Variants in PARP1 observed in about 807,000 individuals in gnomAD.
PARP1 encodes the protein poly(ADP-ribose) polymerase 1, also known as poly [ADP-ribose] polymerase 1.
PARP1 carries 44 observed loss-of-function variants against 118.7 expected under a neutral mutation model. The observed-to-expected ratio is 0.37, with a 90% confidence interval of 0.29 to 0.48. The LOEUF is 0.48. Among genes scored for constraint, PARP1 ranks in the 20% least tolerant of loss-of-function variants. PARP1 has a pLI of 0.99. For missense variants in PARP1, 1,100 were observed against 1,272.4 expected (o/e 0.86, Z 2.06); for synonymous variants, 492 against 483.2 (o/e 1.02, Z -0.24).
intron 2 of PARP1, among the ~76,000 whole-genome samples, chr1:226,399,429 C>T (rs1664984949): frequency 6.6e-6 from 1 of 151,982 alleles, no homozygotes; most frequent in South Asian, 2.1e-4. Flanking sequence ...GAAAAGGCTA[C>T]CTTCTGTATG....
rs150760660 is a variant in PARP1, at chr1:226,375,257, G to GT, written c.1942-904dup. Among the ~76,000 whole-genome samples, 593 of 152,324 alleles carry GT rather than the reference G, an allele frequency of 3.9e-3. 3 individuals are homozygous for GT. Among genetic ancestry groups the GT allele is most frequent in the African/African-American group, 0.013 (547 of 41,572 alleles). ...AAATGTACTCTGTTATCTTCTGGGT[G>GT]TAACTTCATTGGAGGGCAAAGTATC... On this transcript the variant is annotated intron_variant, in intron 13 of 22. Transcript: ENST00000366794.
At chr1:226,372,090 T>G (rs1250411632) in intron 14 of PARP1, among the ~76,000 whole-genome samples, 6 of 152,190 alleles carry the variant, frequency 3.9e-5, no homozygotes, top group Non-Finnish European at 8.8e-5. Context: ...CCCTGCCCCC[T>G]GCCATGTGTC....
At chr1:226,374,073 A>C (rs1664445248) in intron 14 of PARP1, among the ~76,000 whole-genome samples, 153 bp downstream of exon 14, 1 of 152,200 alleles carries the variant, frequency 6.6e-6, no homozygotes, top group South Asian at 2.1e-4. Flanking sequence ...CCCAACACTC[A>C]CACAATTTAA....
chr1:226,381,347 G>T, intron 8 of PARP1, 139 bp from the exon 9 acceptor site: 1 of 924,142 alleles, frequency 1.1e-6, no homozygotes, highest in African/African-American at 1.6e-5. Flanking sequence ...AAAACAGGAC[G>T]GGACAGCAAG....
At chr1:226,402,898 A>G (rs1290873709) in intron 1 of PARP1, among the ~76,000 whole-genome samples, 1 of 152,268 alleles carries the variant, frequency 6.6e-6, no homozygotes, top group Non-Finnish European at 1.5e-5. Flanking sequence ...AACAAGTCCC[A>G]GATAATGAGC....
chr1:226,373,144 G>A (rs1436991820), intron 14 of PARP1, among the ~76,000 whole-genome samples: 1 of 152,152 alleles, frequency 6.6e-6, no homozygotes, highest in Non-Finnish European at 1.5e-5. Context: ...GGTTTATACT[G>A]CCCAGTTTTG....
chr1:226,407,708 CGGGCCCGCTCGCTCCCT>C, intron 1 of PARP1, 85 bp downstream of exon 1: 1 of 1,236,624 alleles, frequency 8.1e-7, no homozygotes, highest in Non-Finnish European at 1.1e-6. Flanking sequence ...TCCGAGGGCC[CGGGCCCGCTCGCTCCCT>C]GGGCCCGCCC....
chr1:226,390,755 T>G, intron 3 of PARP1, 131 bp from the exon 4 acceptor site: 2 of 793,362 alleles, frequency 2.5e-6, no homozygotes, highest in Admixed American at 4.0e-5. Context: ...ACTTGAAGAC[T>G]CATGAGCTTT....
Position 226,363,942 on chromosome 1 carries a change from C to G in PARP1, c.2786+1G>C. ...TCAGTCCCAGAGCCAGGTTTACTCA[C>G]ATGTTTCCAAGGGCAACTTCTCCCA... On this transcript the variant is annotated splice_donor_variant, in intron 20 of 22. Coordinates refer to ENST00000366794, the MANE Select transcript of PARP1 (RefSeq NM_001618.4). LOFTEE classifies it high-confidence loss of function. The G allele has an allele frequency of 6.2e-7, 1 of 1,613,878 alleles. No individual in the cohort carries two copies. The highest frequency in any genetic ancestry group is 8.5e-7 in the Non-Finnish European group (1 of 1,179,950).
intron 12 of PARP1, among the ~76,000 whole-genome samples, chr1:226,378,741 G>T (rs1424170234): frequency 6.6e-6 from 1 of 152,166 alleles, no homozygotes; most frequent in Non-Finnish European, 1.5e-5. Flanking sequence ...AGGCTGAGGT[G>T]GGAGGATTGC....
At chr1:226,396,893 T>C (rs1424256774) in intron 2 of PARP1, among the ~76,000 whole-genome samples, 1 of 152,122 alleles carries the variant, frequency 6.6e-6, no homozygotes, top group Non-Finnish European at 1.5e-5. Context: ...AGAGATTATC[T>C]ATGTACTCAG....
chr1:226,365,017 C>A lies in PARP1; in HGVS notation c.2643G>T (p.Pro881=), dbSNP rs757762368. The A allele has an allele frequency of 1.9e-6, 3 of 1,613,974 alleles. No homozygotes were observed. The highest frequency in any genetic ancestry group is 1.3e-5 in the African/African-American group (1 of 75,066). ...GILSQGLRIA[P]PEAPVTGYMF... is the part of the protein sequence containing the mutation. ...AGGCACATACCACGGGCGCTTCAGGCGGGGCTATCCGAAGACCCTGGGACA... is the reference window on the plus strand; with the variant it reads ...AGGCACATACCACGGGCGCTTCAGGAGGGGCTATCCGAAGACCCTGGGACA... Residue 881 remains proline, a synonymous_variant, in exon 19 of 23, where the codon CCG becomes CCT. Transcript: ENST00000366794.
chr1:226,366,925 C>T (rs1050156823), intron 17 of PARP1: 7 of 185,846 alleles, frequency 3.8e-5, no homozygotes, highest in East Asian at 1.4e-4. Context: ...GCTCAAGGAC[C>T]GGGCCATCTA....
chr1:226,374,113 G>C, intron 14 of PARP1, 113 bp downstream of exon 14: 1 of 1,240,206 alleles, frequency 8.1e-7, no homozygotes, highest in Non-Finnish European at 1.2e-6. Context: ...GAAGCTGACA[G>C]CCAATGTATT....
chr1:226,366,867 C>T (rs1664278639), intron 17 of PARP1: 1 of 167,842 alleles, frequency 6.0e-6, no homozygotes, highest in Non-Finnish European at 1.3e-5. Context: ...CCCTGCAACA[C>T]TGCAGGGAAT....
In PARP1 at chr1:226,377,071, C is replaced by T. The variant is rs759173255; in HGVS notation, c.1941+37G>A. 1.9e-6 allele frequency: 3 copies of T among 1,566,382 alleles called. No individual in the cohort carries two copies. The East Asian group carries it at 6.7e-5, about 35-fold the overall frequency. On this transcript the variant is annotated intron_variant, in intron 13 of 22. Coordinates refer to ENST00000366794, the MANE Select transcript of PARP1 (RefSeq NM_001618.4). ...CTAGAATAAGGTGTCCCTTCCTTTT[C>T]CTAGAAGCAGACAGTGTAAGGGCAT...
At chr1:226,399,159 C>T (rs1018997005) in intron 2 of PARP1, among the ~76,000 whole-genome samples, 3 of 150,734 alleles carry the variant, frequency 2.0e-5, no homozygotes, top group South Asian at 2.1e-4. Flanking sequence ...CTGCAACCTC[C>T]GCCTCCCAGT....
Position 226,377,307 on chromosome 1 carries a change from C to T in PARP1, c.1746-4G>A, listed in dbSNP as rs2102733871. The T allele has an allele frequency of 1.2e-6, 2 of 1,612,310 alleles. No individual in the cohort carries two copies. Among genetic ancestry groups the T allele is most frequent in the Non-Finnish European group, 1.7e-6 (2 of 1,178,380 alleles). The stretch of plus-strand genomic sequence containing the variant: ...CCAGGACCTGAATATCCAATACCTG[C>T]AGTGGGAAGGAGGGTGTCAGATACA... On this transcript the variant is annotated splice_polypyrimidine_tract_variant and splice_region_variant and intron_variant, in intron 12 of 22. Transcript: ENST00000366794.
chr1:226,376,558 C>A (rs1214155828), intron 13 of PARP1, among the ~76,000 whole-genome samples: 1 of 152,206 alleles, frequency 6.6e-6, no homozygotes, highest in Non-Finnish European at 1.5e-5. Context: ...TCAGGAGTAA[C>A]TGAAAAGACT....
Sources: gnomAD v4.1 joint callset for allele counts (sites outside exome capture counted in the v4.1 genomes callset) on GRCh38, gnomAD v4.1.1 for gene constraint, MANE v1.5 for transcripts, NCBI Gene and HGNC (gene_info 2026-07-23, HGNC 2026-07-21) for gene names.